DGKZ: variants seen among roughly 807,000 people sequenced by gnomAD.
DGKZ encodes diacylglycerol kinase zeta, also known as DAG kinase zeta.
Under a neutral mutation model 142.5 loss-of-function variants are expected in DGKZ, and 45 were observed. The observed-to-expected ratio is 0.32, with a 90% CI of 0.25 to 0.40. DGKZ has a LOEUF of 0.40. Ranked by LOEUF, DGKZ falls within the 10% of genes least tolerant of loss-of-function variation. The probability of loss-of-function intolerance (pLI) is 1.00; values close to 1 mark genes in which losing one functional copy is unlikely to be tolerated. For synonymous variants in DGKZ, 442 were observed against 527.0 expected (o/e 0.84, Z 2.21); for missense variants, 755 against 1,306.5 (o/e 0.58, Z 6.51).
upstream of DGKZ, chr11:46,345,335 G>C: frequency 2.2e-6 from 3 of 1,383,954 alleles, no homozygotes; most frequent in South Asian, 3.4e-5. This position sits in a 1 kb window ranked among gnomAD's most constrained non-coding sequence, Gnocchi z 4.1. Flanking sequence ...GGCGGCCAGC[G>C]GCCTCTAGCA....
chr11:46,372,250 GC>G lies in DGKZ; in HGVS notation c.927+83del. ...CCGTCTGCCAGCAGCTGTTCCCAGA[GC>G]CCGTTTCTGGCTTCTACCCCAATCC... On this transcript the variant is annotated intron_variant, in intron 10 of 30. Coordinates refer to ENST00000527911, the Ensembl canonical transcript of DGKZ. The surrounding 1 kb of genome is among the most constrained non-coding windows in gnomAD (Gnocchi z 5.9). 5 of 1,422,262 alleles carry G rather than the reference GC, an allele frequency of 3.5e-6. No homozygotes were observed. The South Asian group carries it at 6.6e-5, about 19-fold the overall frequency. 88.1% of individuals were successfully genotyped at this position (1,422,262 alleles called of 1,614,324 possible).
At chr11:46,349,451 T>C (rs1414712893) in intron 1 of DGKZ, among the ~76,000 whole-genome samples, 1 of 152,110 alleles carries the variant, frequency 6.6e-6, no homozygotes, top group African/African-American at 2.4e-5. Context: ...TTTGTGGGTA[T>C]AGGGATGAGC....
intron 1 of DGKZ, among the ~76,000 whole-genome samples, chr11:46,357,603 T>A (rs1349427459): frequency 6.6e-6 from 1 of 152,234 alleles, no homozygotes; most frequent in Non-Finnish European, 1.5e-5. Flanking sequence ...CCTGCACTGA[T>A]CAGCAGTAAA....
At chr11:46,344,752 C>A (rs959750145), upstream of DGKZ, among the ~76,000 whole-genome samples, 1 of 152,186 alleles carries the variant, frequency 6.6e-6, no homozygotes, top group Non-Finnish European at 1.5e-5. Context: ...CCATGCCTGG[C>A]CTATTACTCC....
intron 1 of DGKZ, among the ~76,000 whole-genome samples, chr11:46,339,069 G>A (rs545277774): frequency 2.0e-5 from 3 of 152,078 alleles, no homozygotes; most frequent in Admixed American, 1.3e-4. Context: ...CCCAGCCTAC[G>A]GTCCTCCCCC....
upstream of DGKZ, chr11:46,345,591 T>C: frequency 6.6e-7 from 1 of 1,506,716 alleles, no homozygotes; most frequent in Non-Finnish European, 8.8e-7. The surrounding 1 kb of genome is among the most constrained non-coding windows in gnomAD (Gnocchi z 4.1). Flanking sequence ...ACACAGTAGG[T>C]ACAAGGGGTG....
chr11:46,348,497 C>T (rs374175008), intron 1 of DGKZ, among the ~76,000 whole-genome samples: 1 of 152,200 alleles, frequency 6.6e-6, no homozygotes, highest in South Asian at 2.1e-4. Flanking sequence ...CAGCATGTCT[C>T]CCTCTACCCT....
At chr11:46,333,493 G>C in intron 1 of DGKZ, 2 of 1,543,008 alleles carry the variant, frequency 1.3e-6, no homozygotes, top group Non-Finnish European at 8.7e-7. Flanking sequence ...TACAGGTAAG[G>C]AGGACGTGGG....
At chr11:46,376,633 C>A in intron 24 of DGKZ, 69 bp downstream of exon 24, 1 of 1,592,892 alleles carries the variant, frequency 6.3e-7, no homozygotes, top group South Asian at 1.1e-5. Flanking sequence ...CCTGGGACGC[C>A]TTCCCTGTTA....
chr11:46,351,469 A>G (rs968722368), intron 1 of DGKZ, among the ~76,000 whole-genome samples: 5 of 152,212 alleles, frequency 3.3e-5, no homozygotes, highest in Non-Finnish European at 7.3e-5. Flanking sequence ...TCAGGGCTGC[A>G]GAGGGTGCCC....
At chr11:46,379,782 G>A (rs758642026) in intron 30 of DGKZ, 49 bp from the exon 31 acceptor site, 1 of 1,545,338 alleles carries the variant, frequency 6.5e-7, no homozygotes, top group Non-Finnish European at 8.7e-7. Context: ...CCTGCTAGGG[G>A]TTAGGCCTGC....
At position 46,335,737 on chromosome 11, in the gene DGKZ, G is replaced by A. The variant is rs561645243; in HGVS notation, c.212+2250G>A. Among the ~76,000 whole-genome samples the A allele has an allele frequency of 2.6e-4, 40 of 152,342 alleles. 1 individual carries two copies. The highest frequency in any genetic ancestry group is 9.1e-4 in the African/African-American group (38 of 41,584). ...GTCTCAGAGCCGAACAAGGCATCAA[G>A]GCAAGGAGAGCCCCTGGTAGAGGAC... On this transcript the variant is annotated intron_variant, in intron 1 of 30. Coordinates refer to the DGKZ transcript ENST00000343674.
At chr11:46,368,433 C>A in intron 4 of DGKZ, 1 of 366,424 alleles carries the variant, frequency 2.7e-6, no homozygotes, top group Non-Finnish European at 5.3e-6. Flanking sequence ...GTGGCTACAC[C>A]CTGCCTCTGT....
chr11:46,379,520 C>T (rs1163369911), exon 30 of DGKZ: 1 of 1,611,778 alleles, frequency 6.2e-7, no homozygotes. Context: ...GCACCATCTG[C>T]CACTACATCG....
exon 21 of DGKZ, chr11:46,375,951 T>C: frequency 1.2e-6 from 2 of 1,609,988 alleles, no homozygotes; most frequent in Non-Finnish European, 8.5e-7. Flanking sequence ...CAAGGAGGCC[T>C]GTGAGTGCGG....
chr11:46,366,779 C>G lies in DGKZ; in HGVS notation c.162-512C>G. The G allele has an allele frequency of 6.5e-7, 1 of 1,548,366 alleles. No individual in the cohort carries two copies. The highest frequency in any genetic ancestry group is 8.7e-7 in the Non-Finnish European group (1 of 1,148,944). ...GCTCCCCGCGGATGCCGTATATGAC[C>G]ACGCTCTCTGGGGCCTGCACGGCTA... On this transcript the variant is annotated intron_variant, in intron 1 of 30. Coordinates refer to ENST00000527911, the Ensembl canonical transcript of DGKZ.
chr11:46,369,068 C>T (rs74829752), intron 4 of DGKZ: 5 of 245,942 alleles, frequency 2.0e-5, no homozygotes, highest in Non-Finnish European at 1.6e-5. Context: ...ATTAGCCAGG[C>T]GTGGTGATGC....
intron 1 of DGKZ, among the ~76,000 whole-genome samples, chr11:46,336,464 A>G (rs1296465888): frequency 1.3e-5 from 2 of 152,186 alleles, no homozygotes; most frequent in East Asian, 3.9e-4. Context: ...ATGGTGACTC[A>G]TGCCTGTAAT....
intron 6 of DGKZ, among the ~76,000 whole-genome samples, chr11:46,370,873 CA>C (rs1269948403): frequency 1.3e-5 from 2 of 152,110 alleles, no homozygotes; most frequent in Non-Finnish European, 2.9e-5. Context: ...CACCTGAGGT[CA>C]GGAATTCGAG....
Sources: allele counts gnomAD v4.1 joint callset (sites outside exome capture counted in the v4.1 genomes callset), GRCh38; gene constraint gnomAD v4.1.1; non-coding constraint Gnocchi (gnomAD v3.1); transcripts MANE v1.5; gene names NCBI Gene and HGNC (gene_info 2026-07-23, HGNC 2026-07-21).